Variants in KNTC1 observed in about 807,000 individuals in gnomAD.
The protein encoded by KNTC1 is kinetochore-associated protein 1.
In KNTC1, 253 loss-of-function variants were observed where a neutral mutation model predicts 314.4. That is an observed-to-expected ratio of 0.80 (90% CI 0.73 to 0.89). The LOEUF is 0.89. KNTC1 is among the 40% of genes least tolerant of loss of function. The pLI, the probability that KNTC1 is intolerant of heterozygous loss-of-function variation, is 0.00. For missense variants in KNTC1, 2,475 were observed against 2,572.9 expected, an observed-to-expected ratio of 0.96 and a Z score of 0.82; for synonymous variants, 901 against 901.4, an observed-to-expected ratio of 1.00 and a Z score of 0.01.
At chr12:122,593,413 A>C (rs1225881760) in intron 42 of KNTC1, 1 of 151,320 alleles carries the variant, frequency 6.6e-6, no homozygotes, top group African/African-American at 2.4e-5. Flanking sequence ...ACAGGCATGC[A>C]CCACCACGCC....
At chr12:122,541,366 A>G (rs1202790204) in intron 5 of KNTC1, among the ~76,000 whole-genome samples, 18 of 118,730 alleles carry the variant, frequency 1.5e-4, no homozygotes, top group Non-Finnish European at 2.8e-4. Context: ...TTTTTTTCTG[A>G]GATGGAGTCT....
rs1367117629 is a variant in KNTC1 at position 122,575,572 on chromosome 12, G to T, written c.2412G>T (p.Met804Ile). The T allele has an allele frequency of 1.9e-6, 3 of 1,595,774 alleles. No individual in the cohort carries two copies. The African/African-American group carries it at 4.0e-5, about 21-fold the overall frequency. The change falls in exon 28 of 64, where the codon ATG (methionine) becomes ATT (isoleucine). Residue 804 changes from methionine to isoleucine, a missense_variant. Physicochemically the swap from Met to Ile is conservative, Grantham distance 10. Transcript: ENST00000333479. ...DLIFDAVLKI[M>I]YAAVVPWSAA... ...TATTTGATGCCGTGCTCAAGATCAT[G>T]TATGCGGCAGTGGTTCCTTGGAGTG...
chr12:122,573,963 C>G (rs1964864858), intron 26 of KNTC1, among the ~76,000 whole-genome samples: 2 of 152,006 alleles, frequency 1.3e-5, no homozygotes, highest in African/African-American at 4.8e-5. Flanking sequence ...ATTGTGAGAC[C>G]ACAGGAGCAT....
intron 32 of KNTC1, 50 bp downstream of exon 32, chr12:122,580,027 CTCT>C: frequency 7.8e-7 from 1 of 1,283,444 alleles, no homozygotes; most frequent in South Asian, 1.2e-5. Context: ...AAAGCTCACC[CTCT>C]TCAGAAAGAG....
At position 122,621,891 on chromosome 12, in the gene KNTC1, GT is replaced by G; in HGVS notation, c.6292del (p.Ser2098ProfsTer8). The G allele has an allele frequency of 6.3e-7, 1 of 1,595,942 alleles. No individual in the cohort carries two copies. Among genetic ancestry groups the G allele is most frequent in the South Asian group, 1.1e-5 (1 of 87,924 alleles). ...KRHQQIKNFLGSCDPQVILKQ... is the reference protein window; with the variant it reads ...KRHQQIKNFLXSCDPQVILKQ... ...TTGATTTTTCTCTAGAATTTTCTGGGTTCCTGTGACCCTCAGGTTATTTTAA... is the reference window on the plus strand; with the variant it reads ...TTGATTTTTCTCTAGAATTTTCTGGGTCCTGTGACCCTCAGGTTATTTTAA... On this transcript the variant is annotated frameshift_variant, in exon 61 of 64. Transcript: ENST00000333479. LOFTEE classifies it high-confidence loss of function.
At chr12:122,596,406 A>G (rs1871058929) in intron 43 of KNTC1, among the ~76,000 whole-genome samples, 1 of 151,566 alleles carries the variant, frequency 6.6e-6, no homozygotes, top group Non-Finnish European at 1.5e-5. Flanking sequence ...TTTGGTAGAG[A>G]TGGGGTTTCA....
intron 44 of KNTC1, among the ~76,000 whole-genome samples, chr12:122,600,921 C>T (rs1471155619): frequency 2.0e-5 from 3 of 152,158 alleles, no homozygotes; most frequent in African/African-American, 7.2e-5. Flanking sequence ...CCGCCTTGGC[C>T]TCCCAAAGTG....
chr12:122,625,716 T>C (rs1376055950), intron 63 of KNTC1, among the ~76,000 whole-genome samples: 3 of 152,324 alleles, frequency 2.0e-5, no homozygotes, highest in African/African-American at 7.2e-5. Flanking sequence ...TGTACATTCT[T>C]CCAAATTTTT....
intron 51 of KNTC1, among the ~76,000 whole-genome samples, chr12:122,606,086 C>T (rs930129804): frequency 6.6e-6 from 1 of 151,566 alleles, no homozygotes; most frequent in Non-Finnish European, 1.5e-5. Context: ...GGGTCTCAAA[C>T]TCCTGGCCTC....
chr12:122,606,244 T>G (rs1872575246), intron 51 of KNTC1, among the ~76,000 whole-genome samples: 1 of 145,300 alleles, frequency 6.9e-6, no homozygotes, highest in Non-Finnish European at 1.5e-5. Context: ...TTTTTTTTTT[T>G]GGATACAGAG....
chr12:122,586,976 A>G (rs1869434540), intron 38 of KNTC1, among the ~76,000 whole-genome samples: 1 of 151,406 alleles, frequency 6.6e-6, no homozygotes, highest in Non-Finnish European at 1.5e-5. Context: ...CACCACGCCG[A>G]GCTAGTTCTT....
Position 122,626,258 on chromosome 12 carries a change from A to G in KNTC1, c.*30A>G, listed in dbSNP as rs751101234. ...CTGAACCTTTTTTTCAAGAAGGACAAGAATTTTGGAGTCTGCTATTAATGG... is the reference window on the plus strand; with the variant it reads ...CTGAACCTTTTTTTCAAGAAGGACAGGAATTTTGGAGTCTGCTATTAATGG... On this transcript the variant is annotated 3_prime_UTR_variant, in exon 64 of 64. Coordinates refer to ENST00000333479, the MANE Select transcript of KNTC1 (RefSeq NM_014708.6). 3 of 1,516,884 alleles carry G rather than the reference A, an allele frequency of 2.0e-6. No homozygotes were observed. The highest frequency in any genetic ancestry group is 2.7e-6 in the Non-Finnish European group (3 of 1,098,646). 94.0% of individuals were successfully genotyped at this position (1,516,884 alleles called of 1,614,324 possible).
chr12:122,547,995 T>G, intron 12 of KNTC1, 26 bp downstream of exon 12: 2 of 1,451,324 alleles, frequency 1.4e-6, no homozygotes, highest in East Asian at 4.8e-5. Flanking sequence ...ATTTTGTGCT[T>G]GCCTATATTA....
chr12:122,565,176 T>G (rs775539605), intron 20 of KNTC1, among the ~76,000 whole-genome samples: 3 of 152,042 alleles, frequency 2.0e-5, no homozygotes, highest in Non-Finnish European at 4.4e-5. Flanking sequence ...AAATATTTAC[T>G]TTCTCAAGGT....
chr12:122,537,637 C>T (rs1289940217), intron 3 of KNTC1, among the ~76,000 whole-genome samples: 1 of 151,760 alleles, frequency 6.6e-6, no homozygotes, highest in East Asian at 2.0e-4. Context: ...AGGCTGGTCT[C>T]GAACTCCTGA....
chr12:122,529,870 T>G (rs1961156317), intron 1 of KNTC1, 121 bp from the exon 2 acceptor site: 2 of 470,848 alleles, frequency 4.2e-6, no homozygotes, highest in African/African-American at 2.0e-5. Flanking sequence ...GCCCGAAGTG[T>G]TTAGTGGCCA....
At position 122,546,596 on chromosome 12, in the gene KNTC1, G is replaced by A. The variant is rs1962782619; in HGVS notation, c.764-26G>A. 3.4e-6 allele frequency: 5 copies of A among 1,469,484 alleles called. No individual in the cohort carries two copies. The East Asian group carries it at 9.3e-5, about 27-fold the overall frequency. 91.0% of individuals were successfully genotyped at this position (1,469,484 alleles called of 1,614,324 possible). On this transcript the variant is annotated intron_variant, in intron 9 of 63. Coordinates refer to ENST00000333479, the MANE Select transcript of KNTC1 (RefSeq NM_014708.6). ...ATATGAAATATTGAAATAAAATCCT[G>A]AGACATCTTATTTTCTCTTTTGTAG...
Position 122,620,499 on chromosome 12 carries a change from T to C in KNTC1, c.6170T>C (p.Leu2057Pro). ...AVLECPVSGD[L>P]DLIGVARQYI... is the part of the protein sequence containing the mutation. ...CGAAGATGTCCAGTCTCAGGTGATC[T>C]TGACCTGATCGGAGTCGCCAGGCAG... The change falls in exon 60 of 64, where the codon CTT becomes CCT. Residue 2057 changes from leucine to proline, a missense_variant. Physicochemically the swap from Leu to Pro is moderately conservative, Grantham distance 98. Coordinates refer to ENST00000333479, the MANE Select transcript of KNTC1 (RefSeq NM_014708.6). 6.2e-7 allele frequency: 1 copy of C among 1,613,270 alleles called. No individual in the cohort carries two copies. Among genetic ancestry groups the C allele is most frequent in the Non-Finnish European group, 8.5e-7 (1 of 1,179,422 alleles).
chr12:122,586,715 C>A lies in KNTC1; in HGVS notation c.3688C>A (p.Pro1230Thr). Reference sequence around the variant, plus strand: ...ATCTTTTGTAGAAAGCAAGAGATATCCCTTGGAGTCTACCAGTTTGCCATA... The same window carrying A: ...ATCTTTTGTAGAAAGCAAGAGATATACCTTGGAGTCTACCAGTTTGCCATA... ...LVPLAESKRY[P>T]LESTSLPYCS... Residue 1230 changes from proline to threonine, a missense_variant, in exon 38 of 64, where the codon CCC becomes ACC. Transcript: ENST00000333479. 2.0e-6 allele frequency: 3 copies of A among 1,492,152 alleles called. No homozygotes were observed. Among genetic ancestry groups the A allele is most frequent in the Admixed American group, 1.9e-5 (1 of 51,392 alleles). The allele number at this position is 1,492,152 out of a possible 1,614,324, so 92.4% of individuals were successfully genotyped here. A position where few individuals can be genotyped will look rare whatever the true frequency, so the allele number is the denominator to read the frequency against.
Sources: allele counts gnomAD v4.1 joint callset (sites outside exome capture counted in the v4.1 genomes callset), GRCh38; gene constraint gnomAD v4.1.1; transcripts MANE v1.5; gene names NCBI Gene and HGNC (gene_info 2026-07-23, HGNC 2026-07-21).